Variants in GRM1 observed in about 807,000 individuals in gnomAD.
GRM1 encodes the protein metabotropic glutamate receptor 1.
Under a neutral mutation model 90.9 loss-of-function variants are expected in GRM1, and 33 were observed. That is an observed-to-expected ratio of 0.36 (90% CI 0.28 to 0.49). GRM1 has a LOEUF of 0.49. GRM1 is among the 20% of genes least tolerant of loss of function. The probability of loss-of-function intolerance (pLI) is 0.99; values close to 1 mark genes in which losing one functional copy is unlikely to be tolerated. For synonymous variants in GRM1, 700 were observed against 613.2 expected, an observed-to-expected ratio of 1.14 and a Z score of -2.09; for missense variants, 1,190 against 1,534.3, an observed-to-expected ratio of 0.78 and a Z score of 3.75.
intron 5 of GRM1, among the ~76,000 whole-genome samples, chr6:146,373,622 A>G (rs1233122641): frequency 6.6e-6 from 1 of 152,138 alleles, no homozygotes; most frequent in Non-Finnish European, 1.5e-5. Context: ...CAGTGTGGCT[A>G]TTGTAAATGA....
intron 3 of GRM1, among the ~76,000 whole-genome samples, chr6:146,339,969 T>A (rs1187234639): frequency 6.6e-6 from 1 of 152,216 alleles, no homozygotes; most frequent in East Asian, 1.9e-4. Context: ...TGAACACAGT[T>A]TGAAAACAAT....
At chr6:146,145,907 C>G (rs1777076810) in intron 1 of GRM1, among the ~76,000 whole-genome samples, 1 of 151,946 alleles carries the variant, frequency 6.6e-6, no homozygotes, top group South Asian at 2.1e-4. Context: ...TGTCCTAGGT[C>G]TTGGGGGCCC....
chr6:146,153,309 A>T (rs1255500414), intron 1 of GRM1, among the ~76,000 whole-genome samples: 1 of 152,204 alleles, frequency 6.6e-6, no homozygotes, highest in Non-Finnish European at 1.5e-5. Context: ...TTTCCTTTTC[A>T]GTTTGTATGC....
chr6:146,309,894 G>A (rs1292288525), intron 3 of GRM1, among the ~76,000 whole-genome samples: 1 of 151,986 alleles, frequency 6.6e-6, no homozygotes, highest in South Asian at 2.1e-4. Flanking sequence ...TATTTGCTCC[G>A]GCTAGCAGTA....
At chr6:146,114,576 C>G (rs143544061) in intron 1 of GRM1, among the ~76,000 whole-genome samples, 6 of 152,138 alleles carry the variant, frequency 3.9e-5, no homozygotes, top group Non-Finnish European at 5.9e-5. Context: ...TATTATGAGG[C>G]CTTCAAAATC....
At position 146,258,163 on chromosome 6, in the gene GRM1, T is replaced by C. The variant is rs1781557259; in HGVS notation, c.951-46448T>C. ...AATTGAAGACATTGAAATGCTGGTT[T>C]GAGGACTTGCCTGATTTCTATCAGC... On this transcript the variant is annotated intron_variant, in intron 2 of 7. Coordinates refer to ENST00000282753, the MANE Select transcript of GRM1 (RefSeq NM_001278064.2). Among the ~76,000 whole-genome samples, 2 of 152,304 alleles carry C rather than the reference T, an allele frequency of 1.3e-5. 1 individual carries two copies. Among genetic ancestry groups the C allele is most frequent in the South Asian group, 4.1e-4 (2 of 4,834 alleles).
chr6:146,381,550 T>C (rs1041439173), intron 5 of GRM1, among the ~76,000 whole-genome samples: 2 of 152,128 alleles, frequency 1.3e-5, no homozygotes, highest in Non-Finnish European at 2.9e-5. Context: ...GACTCTACAG[T>C]GCCTCTTTCA....
Position 146,399,131 on chromosome 6 carries a change from C to T in GRM1, c.2092C>T (p.Pro698Ser). Residue 698 changes from proline (P) to serine (S), a missense_variant, in exon 7 of 8, where the codon CCC becomes TCC. Around this residue, in one of 10 missense-constraint regions of GRM1, gnomAD observed 414 missense variants for 598.4 expected, o/e 0.69. Coordinates refer to ENST00000282753, the MANE Select transcript of GRM1 (RefSeq NM_001278064.2). This position sits in a 1 kb window ranked among gnomAD's most constrained non-coding sequence, Gnocchi z 5.4. ...GSKKKICTRK[P>S]RFMSAWAQVI... ...CAAGAAGAAGATCTGCACCCGGAAG[C>T]CCAGGTTCATGAGTGCCTGGGCTCA... The T allele has an allele frequency of 6.2e-7, 1 of 1,614,078 alleles. No homozygotes were observed. The highest frequency in any genetic ancestry group is 8.5e-7 in the Non-Finnish European group (1 of 1,179,996).
At chr6:146,297,138 T>C (rs1317127691) in intron 2 of GRM1, among the ~76,000 whole-genome samples, 3 of 152,162 alleles carry the variant, frequency 2.0e-5, no homozygotes, top group Non-Finnish European at 4.4e-5. Context: ...TTAACTTAGT[T>C]GACTACATTG....
At chr6:146,160,530 T>G (rs1316116000) in intron 2 of GRM1, among the ~76,000 whole-genome samples, 1 of 152,202 alleles carries the variant, frequency 6.6e-6, no homozygotes, top group African/African-American at 2.4e-5. Flanking sequence ...CACACTCATC[T>G]TCCGAAGCTC....
intron 2 of GRM1, among the ~76,000 whole-genome samples, chr6:146,274,926 A>T (rs1447004610): frequency 2.0e-5 from 3 of 152,186 alleles, no homozygotes; most frequent in Non-Finnish European, 4.4e-5. Flanking sequence ...GCCACTCAGG[A>T]GGCTGAGGCA....
At chr6:146,228,698 C>G (rs1780338280) in intron 2 of GRM1, among the ~76,000 whole-genome samples, 1 of 152,154 alleles carries the variant, frequency 6.6e-6, no homozygotes, top group African/African-American at 2.4e-5. Flanking sequence ...ATAACTCAAT[C>G]ATAAGTTTAT....
intron 2 of GRM1, among the ~76,000 whole-genome samples, chr6:146,278,997 G>A (rs1302008682): frequency 3.9e-5 from 6 of 152,192 alleles, no homozygotes; most frequent in East Asian, 3.9e-4. Context: ...GAGCGACCGC[G>A]TCCAGCTGAG....
chr6:146,212,353 C>T (rs34253858), intron 2 of GRM1, among the ~76,000 whole-genome samples: 1,775 of 152,300 alleles, frequency 0.012, 13 homozygotes, highest in South Asian at 0.029. Context: ...CAGGGCTTAT[C>T]TTTGCATTCC....
chr6:146,365,421 A>G (rs1333425327), intron 5 of GRM1: 2 of 152,150 alleles, frequency 1.3e-5, no homozygotes, highest in Admixed American at 1.3e-4. Context: ...TTTTGTTATT[A>G]CCTCAGATCC....
At chr6:146,096,198 A>C (rs1490934009) in intron 1 of GRM1, among the ~76,000 whole-genome samples, 1 of 152,190 alleles carries the variant, frequency 6.6e-6, no homozygotes, top group Non-Finnish European at 1.5e-5. Context: ...TTTATAAACA[A>C]AAACCTGCAC....
chr6:146,068,364 C>T (rs922054443), intron 1 of GRM1, among the ~76,000 whole-genome samples: 2 of 152,186 alleles, frequency 1.3e-5, no homozygotes, highest in Non-Finnish European at 2.9e-5. Flanking sequence ...CCGCCCACCT[C>T]GGCCTCCCAC....
chr6:146,348,836 G>T (rs974187632), intron 3 of GRM1, among the ~76,000 whole-genome samples: 1 of 152,238 alleles, frequency 6.6e-6, no homozygotes, highest in Admixed American at 6.5e-5. Context: ...CACCAGAAAA[G>T]CTTCTCCTCT....
At chr6:146,034,294 A>G (rs1458944081) in intron 1 of GRM1, among the ~76,000 whole-genome samples, 6 of 152,012 alleles carry the variant, frequency 3.9e-5, no homozygotes, top group Admixed American at 1.3e-4. Flanking sequence ...TGTGACATTT[A>G]TCATCAATGA....
Sources: allele counts gnomAD v4.1 joint callset (sites outside exome capture counted in the v4.1 genomes callset), GRCh38; gene constraint gnomAD v4.1.1; regional missense constraint gnomAD v4.1.1; non-coding constraint Gnocchi (gnomAD v3.1); transcripts MANE v1.5; gene names NCBI Gene and HGNC (gene_info 2026-07-23, HGNC 2026-07-21).